The following PEAK1 variants were observed in gnomAD, a reference collection of about 807,000 sequenced individuals.
The protein encoded by PEAK1 is inactive tyrosine-protein kinase PEAK1.
Under a neutral mutation model 124.7 loss-of-function variants are expected in PEAK1, and 54 were observed. That is an observed-to-expected ratio of 0.43 (90% CI 0.35 to 0.54). The LOEUF (loss-of-function observed/expected upper bound fraction) is 0.54. Ranked by LOEUF, PEAK1 falls within the 20% of genes least tolerant of loss-of-function variation. The pLI is 0.01. For missense variants in PEAK1, 2,046 were observed against 2,134.5 expected, an observed-to-expected ratio of 0.96 and a Z score of 0.82; for synonymous variants, 719 against 760.0, an observed-to-expected ratio of 0.95 and a Z score of 0.89.
At chr15:77,249,657 G>A (rs1306180093) in intron 6 of PEAK1, among the ~76,000 whole-genome samples, 1 of 152,122 alleles carries the variant, frequency 6.6e-6, no homozygotes, top group Admixed American at 6.5e-5. Context: ...GGGAGAATCA[G>A]TGCAGTTATT....
intron 6 of PEAK1, among the ~76,000 whole-genome samples, chr15:77,213,866 A>T (rs1399753146): frequency 1.3e-5 from 2 of 152,186 alleles, no homozygotes; most frequent in Non-Finnish European, 2.9e-5. Context: ...TATAACCAAC[A>T]TAACAATGAA....
chr15:77,386,880 C>T (rs1336267242), intron 1 of PEAK1, among the ~76,000 whole-genome samples: 4 of 152,188 alleles, frequency 2.6e-5, no homozygotes, highest in South Asian at 2.1e-4. Flanking sequence ...TACTACACAA[C>T]AGAAATATAC....
intron 8 of PEAK1, chr15:77,156,286 T>A (rs981167486): frequency 6.5e-6 from 1 of 153,212 alleles, no homozygotes; most frequent in African/African-American, 2.4e-5. Context: ...TCCGTGAGCA[T>A]AGGACCCTCT....
chr15:77,260,211 G>C (rs2061369283), intron 5 of PEAK1, among the ~76,000 whole-genome samples: 1 of 152,166 alleles, frequency 6.6e-6, no homozygotes, highest in Non-Finnish European at 1.5e-5. Flanking sequence ...GGCCACTCTA[G>C]ATATGCCTGA....
intron 5 of PEAK1, among the ~76,000 whole-genome samples, chr15:77,269,799 T>A (rs1395863202): frequency 6.6e-6 from 1 of 152,106 alleles, no homozygotes; most frequent in Non-Finnish European, 1.5e-5. Flanking sequence ...TAGACCACAG[T>A]GGAATAAAAT....
At chr15:77,164,814 C>T (rs2055953400) in intron 7 of PEAK1, among the ~76,000 whole-genome samples, 1 of 152,150 alleles carries the variant, frequency 6.6e-6, no homozygotes, top group East Asian at 1.9e-4. Context: ...TACTGATATG[C>T]ATTTCCTGAA....
intron 6 of PEAK1, among the ~76,000 whole-genome samples, chr15:77,202,574 G>A (rs768937817): frequency 4.6e-4 from 69 of 151,502 alleles, no homozygotes; most frequent in Admixed American, 7.9e-4. Flanking sequence ...AGACCATCCT[G>A]GTTAACACGG....
At chr15:77,286,169 G>A (rs985184772) in intron 3 of PEAK1, among the ~76,000 whole-genome samples, 2 of 152,074 alleles carry the variant, frequency 1.3e-5, no homozygotes, top group African/African-American at 2.4e-5. Context: ...TTGGTTGTGC[G>A]GTTTTGAGTG....
In PEAK1 at chr15:77,181,802, T is replaced by A. The variant is rs1364594599; in HGVS notation, c.125A>T (p.Asn42Ile). ...DPEKAPITHG[N>I]VKTNANHSNN... is the part of the protein sequence containing the mutation. ...ACTGTGATTGGCATTAGTTTTCACATTGCCATGGGTGATGGGTGCCTTCTC... is the reference window on the plus strand; with the variant it reads ...ACTGTGATTGGCATTAGTTTTCACAATGCCATGGGTGATGGGTGCCTTCTC... Residue 42 changes from asparagine (N) to isoleucine (I), a missense_variant, in exon 7 of 10, where the codon AAT becomes ATT. Asn to Ile is a moderately radical substitution (Grantham distance 149). Transcript: ENST00000682557. 3 of 1,614,136 alleles carry A rather than the reference T, an allele frequency of 1.9e-6. No individual in the cohort carries two copies. Among genetic ancestry groups the A allele is most frequent in the Non-Finnish European group, 2.5e-6 (3 of 1,179,968 alleles).
intron 5 of PEAK1, among the ~76,000 whole-genome samples, chr15:77,261,690 A>G (rs2061449859): frequency 6.6e-6 from 1 of 152,228 alleles, no homozygotes; most frequent in African/African-American, 2.4e-5. Context: ...ACTCTGCAGG[A>G]TATTATCCAG....
At chr15:77,176,966 T>G (rs1378287062) in intron 7 of PEAK1, among the ~76,000 whole-genome samples, 8 of 140,382 alleles carry the variant, frequency 5.7e-5, no homozygotes, top group Non-Finnish European at 1.3e-4. Flanking sequence ...GAAATACATG[T>G]TTTTTTTTGA....
chr15:77,228,787 G>A (rs893143299), intron 6 of PEAK1, among the ~76,000 whole-genome samples: 1 of 151,996 alleles, frequency 6.6e-6, no homozygotes, highest in Non-Finnish European at 1.5e-5. Context: ...ACAGTAAAAG[G>A]TATTTTCCTT....
At chr15:77,355,911 A>C in intron 2 of PEAK1, 3 of 985,440 alleles carry the variant, frequency 3.0e-6, no homozygotes, top group Non-Finnish European at 3.6e-6. Flanking sequence ...CCCTGGGTTG[A>C]CTAGGACCCC....
chr15:77,347,843 A>T, intron 2 of PEAK1: 1 of 985,044 alleles, frequency 1.0e-6, no homozygotes, highest in Non-Finnish European at 1.2e-6. Context: ...GTTCAAAAGC[A>T]TCTACAACAT....
intron 2 of PEAK1, among the ~76,000 whole-genome samples, chr15:77,313,684 G>GTATATATATATATATA (rs1567244775): frequency 3.3e-5 from 4 of 119,760 alleles, no homozygotes; most frequent in African/African-American, 1.2e-4. Context: ...GTGTGTGTGT[G>GTATATATATATATATA]TGTGTGTGTA....
chr15:77,313,075 G>C (rs565984397), intron 2 of PEAK1, among the ~76,000 whole-genome samples: 47 of 152,186 alleles, frequency 3.1e-4, no homozygotes, highest in Admixed American at 6.5e-4. Flanking sequence ...TAAAAGGAAG[G>C]CTCTTTGGCA....
intron 1 of PEAK1, among the ~76,000 whole-genome samples, chr15:77,414,213 T>TCC (rs1189187960): frequency 1.3e-4 from 10 of 78,758 alleles, no homozygotes; most frequent in Admixed American, 3.5e-4. Context: ...CCTTCTTTTT[T>TCC]TTTTTTTTTT....
Position 77,238,673 on chromosome 15 carries a change from G to A in PEAK1, c.-115+13694C>T, listed in dbSNP as rs115214149. The stretch of plus-strand genomic sequence containing the variant: ...GTGATTACAGTAGCATGAGTCGGGG[G>A]AGAAAGATGTGCCACCGGGTAGTTA... On this transcript the variant is annotated intron_variant, in intron 6 of 9. Transcript: ENST00000682557. Among the ~76,000 whole-genome samples, 582 of 152,260 alleles carry A rather than the reference G, an allele frequency of 3.8e-3. 2 individuals are homozygous for A. Among genetic ancestry groups the A allele is most frequent in the African/African-American group, 0.011 (475 of 41,540 alleles).
At chr15:77,286,540 T>C (rs1352288803) in intron 2 of PEAK1, 36 bp from the exon 3 acceptor site, 2 of 1,045,714 alleles carry the variant, frequency 1.9e-6, no homozygotes, top group Non-Finnish European at 2.4e-6. Flanking sequence ...GATATATTAA[T>C]AAAGGGCATT....
Sources: gnomAD v4.1 joint callset for allele counts (sites outside exome capture counted in the v4.1 genomes callset) on GRCh38, gnomAD v4.1.1 for gene constraint, MANE v1.5 for transcripts, NCBI Gene and HGNC (gene_info 2026-07-23, HGNC 2026-07-21) for gene names.